VWF: variants seen among roughly 807,000 people sequenced by gnomAD.
VWF encodes the protein von Willebrand factor.
In VWF, 176 loss-of-function variants were observed where a neutral mutation model predicts 308.6. The ratio of observed to expected loss-of-function variants is 0.57; its 90% CI spans 0.50 to 0.65. VWF has a LOEUF of 0.65. VWF is among the 30% of genes least tolerant of loss of function. VWF has a pLI of 0.00. For missense variants in VWF, 3,146 were observed against 3,648.2 expected (o/e 0.86, Z 3.55); for synonymous variants, 1,385 against 1,443.4 (o/e 0.96, Z 0.92).
intron 10 of VWF, among the ~76,000 whole-genome samples, chr12:6,069,602 C>T (rs557397507): frequency 1.0e-3 from 156 of 152,200 alleles, no homozygotes; most frequent in Admixed American, 2.0e-3. Flanking sequence ...TGCTTGTGTG[C>T]GTGGGTGCAA....
intron 48 of VWF, among the ~76,000 whole-genome samples, chr12:5,953,109 C>T (rs1022070842): frequency 6.6e-6 from 1 of 152,086 alleles, no homozygotes; most frequent in East Asian, 1.9e-4. Flanking sequence ...TGCCTGCAGT[C>T]CCAGCTACTC....
intron 5 of VWF, among the ~76,000 whole-genome samples, chr12:6,109,240 G>GAC (rs755650506): frequency 1.3e-4 from 19 of 147,920 alleles, no homozygotes; most frequent in Admixed American, 8.8e-4. Flanking sequence ...GAGACACACA[G>GAC]ACACACACAC....
intron 47 of VWF, among the ~76,000 whole-genome samples, chr12:5,964,324 C>T (rs969696104): frequency 1.5e-5 from 2 of 133,068 alleles, no homozygotes; most frequent in Non-Finnish European, 3.3e-5. Context: ...CTACCATCTA[C>T]TGTCTCATCA....
At chr12:6,042,253 G>C (rs1209654131) in intron 18 of VWF, among the ~76,000 whole-genome samples, 1 of 152,008 alleles carries the variant, frequency 6.6e-6, no homozygotes, top group Non-Finnish European at 1.5e-5. Context: ...CCCCTGTCAA[G>C]TCCTCAGAAG....
At chr12:6,119,840 C>T (rs892624956) in intron 3 of VWF, among the ~76,000 whole-genome samples, 6 of 152,056 alleles carry the variant, frequency 3.9e-5, no homozygotes, top group African/African-American at 9.7e-5. Context: ...AGCAAGACTC[C>T]GTCTCAAAAA....
intron 47 of VWF, among the ~76,000 whole-genome samples, chr12:5,964,354 T>G (rs12369177): frequency 0.64 from 97,919 of 151,910 alleles, 32,469 homozygotes; most frequent in African/African-American, 0.76. Flanking sequence ...AATTATTAGC[T>G]TTGCTTTCAG....
At chr12:6,079,718 A>G (rs1459005945) in intron 6 of VWF, among the ~76,000 whole-genome samples, 1 of 152,150 alleles carries the variant, frequency 6.6e-6, no homozygotes, top group Admixed American at 6.5e-5. Context: ...CTCAACAAGC[A>G]TTAGCAGTGT....
rs1006586074 is a variant in VWF at position 6,123,259 on chromosome 12, C to T, written c.1-63G>A. 7.6e-6 allele frequency: 12 copies of T among 1,588,154 alleles called. No individual in the cohort carries two copies. In the African/African-American group the frequency reaches 1.3e-4, roughly 18 times the overall value. Reference sequence around the variant, plus strand: ...CCCAGGTAGGCGGCTGCTGGTGTGGCGACTATCAGGGCATGCAGTAGCAAA... The same window carrying T: ...CCCAGGTAGGCGGCTGCTGGTGTGGTGACTATCAGGGCATGCAGTAGCAAA... On this transcript the variant is annotated intron_variant, in intron 1 of 51. Transcript: ENST00000261405.
At chr12:5,976,495 G>C (rs1403923444) in intron 42 of VWF, among the ~76,000 whole-genome samples, 1 of 152,046 alleles carries the variant, frequency 6.6e-6, no homozygotes, top group Non-Finnish European at 1.5e-5. Flanking sequence ...CCCCTCGTGA[G>C]GCCTTCATGG....
chr12:6,110,733 C>T (rs1167582493), intron 4 of VWF, 133 bp downstream of exon 4: 1 of 1,291,138 alleles, frequency 7.7e-7, no homozygotes, highest in East Asian at 2.3e-5. Context: ...AGCTGGCTCT[C>T]ACCCAGCCCT....
intron 37 of VWF, 73 bp downstream of exon 37, chr12:5,993,789 C>A (rs916655532): frequency 2.8e-6 from 4 of 1,405,554 alleles, no homozygotes; most frequent in Non-Finnish European, 4.0e-6. Context: ...GATAAAGAAT[C>A]TGGGGCACAG....
chr12:5,963,050 C>T, intron 47 of VWF, among the ~76,000 whole-genome samples: 1 of 152,186 alleles, frequency 6.6e-6, no homozygotes, highest in East Asian at 1.9e-4. Flanking sequence ...ATACTATCTT[C>T]ATGACCTTAG....
chr12:6,120,127 G>C (rs560129361), intron 3 of VWF, among the ~76,000 whole-genome samples: 26 of 152,188 alleles, frequency 1.7e-4, no homozygotes, highest in Non-Finnish European at 3.4e-4. Context: ...GGAGGACCCT[G>C]TGTCAGTCCC....
chr12:6,046,691 G>A lies in VWF; in HGVS notation c.2281+32C>T. The A allele has an allele frequency of 6.3e-7, 1 of 1,599,964 alleles. No individual in the cohort carries two copies. Among genetic ancestry groups the A allele is most frequent in the African/African-American group, 1.3e-5 (1 of 74,722 alleles). ...ACGTGAGGAATCTGGGCAGGATGGA[G>A]TCAATGGGCCTTCCAGGGGGACAGT... is the stretch of plus-strand genomic sequence containing the variant. On this transcript the variant is annotated intron_variant, in intron 17 of 51. Transcript: ENST00000261405. The surrounding 1 kb of genome is among the most constrained non-coding windows in gnomAD (Gnocchi z 5.0).
intron 22 of VWF, among the ~76,000 whole-genome samples, chr12:6,027,089 A>G (rs1409244662): frequency 6.6e-6 from 1 of 152,206 alleles, no homozygotes; most frequent in Non-Finnish European, 1.5e-5. Flanking sequence ...TCACCAGGAA[A>G]CATAGAGGAA....
chr12:6,077,931 C>A (rs1329484573), intron 6 of VWF, among the ~76,000 whole-genome samples: 1 of 152,154 alleles, frequency 6.6e-6, no homozygotes, highest in Non-Finnish European at 1.5e-5. Context: ...TTTACTCAAC[C>A]CCTCCTCTGC....
At position 6,019,955 on chromosome 12, in the gene VWF, T is replaced by C. The variant is rs1591863822; in HGVS notation, c.3675-212A>G. On this transcript the variant is annotated intron_variant, in intron 27 of 51. Transcript: ENST00000261405. This position sits in a 1 kb window ranked among gnomAD's most constrained non-coding sequence, Gnocchi z 5.8. ...GCCCCCCACCTTCAAAACACACACA[T>C]AGCCGACTTCCTTTGATTCTAGAAA... 6.6e-6 allele frequency among the ~76,000 whole-genome samples: 1 copy of C among 152,276 alleles called. No individual in the cohort carries two copies. Among genetic ancestry groups the C allele is most frequent in the African/African-American group, 2.4e-5 (1 of 41,556 alleles).
Position 6,092,569 on chromosome 12 carries a change from TGTGC to T in VWF, c.657+2887_657+2890del, listed in dbSNP as rs760069336. Among the ~76,000 whole-genome samples, 75 of 143,766 alleles carry T rather than the reference TGTGC, an allele frequency of 5.2e-4. 1 individual carries two copies. Among genetic ancestry groups the T allele is most frequent in the South Asian group, 1.3e-3 (6 of 4,672 alleles). The allele number at this position is 143,766 out of a possible 152,430, so 94.3% of individuals were successfully genotyped here. On this transcript the variant is annotated intron_variant, in intron 6 of 51. Transcript: ENST00000261405. ...TGTGCCACCATGCCCAGCTAGTGTGTGTGCGTGCGTGCATGCCACCATGCCCAGC... is the reference window on the plus strand; with the variant it reads ...TGTGCCACCATGCCCAGCTAGTGTGTGTGCGTGCATGCCACCATGCCCAGC...
chr12:6,013,852 A>C (rs551437005), intron 31 of VWF, among the ~76,000 whole-genome samples: 40 of 152,310 alleles, frequency 2.6e-4, no homozygotes, highest in Non-Finnish European at 5.0e-4. Context: ...GGGGTACAGC[A>C]GTGAACCAAG....
Sources: allele counts gnomAD v4.1 joint callset (sites outside exome capture counted in the v4.1 genomes callset), GRCh38; gene constraint gnomAD v4.1.1; non-coding constraint Gnocchi (gnomAD v3.1); transcripts MANE v1.5; gene names NCBI Gene and HGNC (gene_info 2026-07-23, HGNC 2026-07-21).